FKBP14: variants seen among roughly 807,000 people sequenced by gnomAD.
The protein encoded by FKBP14 is FKBP prolyl isomerase 14.
FKBP14 carries 20 observed loss-of-function variants against 21.6 expected under a neutral mutation model. The ratio of observed to expected loss-of-function variants is 0.92; its 90% CI spans 0.65 to 1.34. FKBP14 has a LOEUF of 1.34. FKBP14 is among the 40% of genes most tolerant of loss of function. The probability of loss-of-function intolerance (pLI) is 0.00; values close to 1 mark genes in which losing one functional copy is unlikely to be tolerated. For missense variants in FKBP14, 253 were observed against 249.0 expected, an observed-to-expected ratio of 1.02 and a Z score of -0.11; for synonymous variants, 79 against 86.7, an observed-to-expected ratio of 0.91 and a Z score of 0.49.
intron 2 of FKBP14, chr7:30,020,447 C>A (rs1001777833): frequency 6.6e-5 from 23 of 346,696 alleles, no homozygotes; most frequent in Admixed American, 1.3e-4. Context: ...TGGACTAATA[C>A]AACGTACAGT....
rs1336751713 is a variant in FKBP14 at position 30,012,639 on chromosome 7, A to C, written c.*2096T>G. ...GTAATAATTGTTCATAATTCTTTTT[A>C]AACAACAAATGGGGGTAAATATGAA... On this transcript the variant is annotated 3_prime_UTR_variant, in exon 4 of 4. Transcript: ENST00000222803. 1.3e-5 allele frequency: 2 copies of C among 152,240 alleles called. No individual in the cohort carries two copies. Among genetic ancestry groups the C allele is most frequent in the Non-Finnish European group, 2.9e-5 (2 of 68,048 alleles). 9.4% of individuals were successfully genotyped at this position (152,240 alleles called of 1,614,324 possible).
chr7:30,006,495 A>G (rs114843652), downstream of FKBP14, among the ~76,000 whole-genome samples: 1,308 of 151,888 alleles, frequency 8.6e-3, 20 homozygotes, highest in African/African-American at 0.03. Context: ...TGTTGCAGAT[A>G]ATTCTGAAAA....
At chr7:30,017,204 AG>A (rs1185354938) in intron 3 of FKBP14, among the ~76,000 whole-genome samples, 3 of 152,000 alleles carry the variant, frequency 2.0e-5, no homozygotes, top group Non-Finnish European at 4.4e-5. Flanking sequence ...GAAAGAAAAA[AG>A]TAATTAATAA....
At chr7:30,021,757 G>A (rs1028536218) in intron 2 of FKBP14, among the ~76,000 whole-genome samples, 1 of 152,146 alleles carries the variant, frequency 6.6e-6, no homozygotes, top group Non-Finnish European at 1.5e-5. Flanking sequence ...GTTTCACCAT[G>A]TTGGCCACGT....
In FKBP14 at chr7:30,011,166, A is replaced by C. The variant is rs925725702; in HGVS notation, c.*3569T>G. 6.6e-6 allele frequency: 1 copy of C among 151,610 alleles called. No homozygotes were observed. The highest frequency in any genetic ancestry group is 1.5e-5 in the Non-Finnish European group (1 of 67,970). The allele number at this position is 151,610 out of a possible 1,614,324, so 9.4% of individuals were successfully genotyped here. A position where few individuals can be genotyped will look rare whatever the true frequency, so the allele number is the denominator to read the frequency against. ...AGCAATTCTCCTGCCTCAGCCTCTC[A>C]ATTAGCTGGGACTACACGCATGTGC... is the stretch of plus-strand genomic sequence containing the variant. On this transcript the variant is annotated 3_prime_UTR_variant, in exon 4 of 4. Transcript: ENST00000222803.
At chr7:30,024,487 G>A (rs1019985313) in intron 1 of FKBP14, among the ~76,000 whole-genome samples, 2 of 152,148 alleles carry the variant, frequency 1.3e-5, no homozygotes, top group African/African-American at 2.4e-5. Context: ...TGCAGCCTCC[G>A]CCTCCTGGGT....
At chr7:30,010,412 C>A (rs1789693516), downstream of FKBP14, among the ~76,000 whole-genome samples, 1 of 152,182 alleles carries the variant, frequency 6.6e-6, no homozygotes, top group Non-Finnish European at 1.5e-5. Context: ...CACAGCTTTT[C>A]TTACAAATAT....
At chr7:30,007,438 G>A (rs1299453148), downstream of FKBP14, among the ~76,000 whole-genome samples, 5 of 152,060 alleles carry the variant, frequency 3.3e-5, no homozygotes, top group African/African-American at 1.2e-4. Context: ...TCGATCTCTT[G>A]ACCTCGTGAT....
intron 1 of FKBP14, among the ~76,000 whole-genome samples, chr7:30,023,589 T>G (rs182024971): frequency 3.3e-5 from 5 of 152,316 alleles, no homozygotes; most frequent in Admixed American, 3.3e-4. Flanking sequence ...ACTGGTGTGT[T>G]AGTCCATTTT....
chr7:30,010,263 C>T (rs1583720274), downstream of FKBP14, among the ~76,000 whole-genome samples: 1 of 152,266 alleles, frequency 6.6e-6, no homozygotes, highest in South Asian at 2.1e-4. Flanking sequence ...TAAACCAAAA[C>T]AACAGTGATA....
At chr7:30,021,096 T>A (rs1790019783) in intron 2 of FKBP14, among the ~76,000 whole-genome samples, 1 of 152,232 alleles carries the variant, frequency 6.6e-6, no homozygotes, top group Non-Finnish European at 1.5e-5. Flanking sequence ...CTGGTTCTGA[T>A]GACTACTTAA....
chr7:30,018,003 AAAT>A (rs1217746778), intron 3 of FKBP14, among the ~76,000 whole-genome samples: 10 of 4,898 alleles, frequency 2.0e-3, no homozygotes, highest in African/African-American at 3.8e-3. Context: ...CTCAGGAAAT[AAAT>A]AAATAAATAA....
At chr7:30,009,286 G>A (rs1789672097), downstream of FKBP14, among the ~76,000 whole-genome samples, 1 of 148,814 alleles carries the variant, frequency 6.7e-6, no homozygotes, top group Non-Finnish European at 1.5e-5. Flanking sequence ...AAGCTGGAAT[G>A]TAGTAGCACA....
At chr7:30,015,555 A>G (rs1345508860) in intron 3 of FKBP14, among the ~76,000 whole-genome samples, 1 of 151,666 alleles carries the variant, frequency 6.6e-6, no homozygotes, top group Admixed American at 6.6e-5. Context: ...AGAATACCCA[A>G]TGAGAGCATA....
intron 3 of FKBP14, among the ~76,000 whole-genome samples, chr7:30,017,528 C>G (rs1187593971): frequency 6.6e-6 from 1 of 151,454 alleles, no homozygotes; most frequent in African/African-American, 2.4e-5. Context: ...GAGATCGCAC[C>G]ACTGCAATCC....
At chr7:30,017,580 A>AG (rs1789923735) in intron 3 of FKBP14, among the ~76,000 whole-genome samples, 1 of 151,844 alleles carries the variant, frequency 6.6e-6, no homozygotes, top group Non-Finnish European at 1.5e-5. Context: ...AAAAAAAAAA[A>AG]CAGTAAATAA....
rs1007486192 is a variant in FKBP14 at position 30,013,098 on chromosome 7, C to T, written c.*1637G>A. On this transcript the variant is annotated 3_prime_UTR_variant, in exon 4 of 4. Transcript: ENST00000222803. ...ATAATGCACTTAATATCATTTTGTA[C>T]ACTATAAAGGGCTACTCTTAGAAAA... 6.6e-6 allele frequency: 1 copy of T among 151,750 alleles called. No individual in the cohort carries two copies. Among genetic ancestry groups the T allele is most frequent in the Admixed American group, 6.6e-5 (1 of 15,242 alleles). The allele number at this position is 151,750 out of a possible 1,614,324, so 9.4% of individuals were successfully genotyped here.
intron 2 of FKBP14, among the ~76,000 whole-genome samples, chr7:30,019,426 C>A (rs964655609): frequency 2.6e-5 from 4 of 151,900 alleles, no homozygotes; most frequent in African/African-American, 9.7e-5. Flanking sequence ...TATTACATTT[C>A]TAATATAATT....
intron 3 of FKBP14, 51 bp from the exon 4 acceptor site, chr7:30,014,944 T>G (rs760034450): frequency 2.3e-6 from 3 of 1,307,726 alleles, no homozygotes; most frequent in Admixed American, 2.3e-5. Context: ...GATACCCACA[T>G]TGAGCCAATC....
Sources: gnomAD v4.1 joint callset for allele counts (sites outside exome capture counted in the v4.1 genomes callset) on GRCh38, gnomAD v4.1.1 for gene constraint, MANE v1.5 for transcripts, NCBI Gene and HGNC (gene_info 2026-07-23, HGNC 2026-07-21) for gene names.